Variants in PLCXD3 observed in about 807,000 individuals in gnomAD.
PLCXD3 encodes PI-PLC X domain-containing protein 3.
PLCXD3 carries 19 observed loss-of-function variants against 25.5 expected under a neutral mutation model. The observed-to-expected ratio is 0.75, with a 90% CI of 0.52 to 1.09. The LOEUF (loss-of-function observed/expected upper bound fraction) is 1.09. Ranked by LOEUF, PLCXD3 falls within the 50% of genes least tolerant of loss-of-function variation. PLCXD3 has a pLI of 0.00. For missense variants in PLCXD3, 411 were observed against 388.1 expected, an observed-to-expected ratio of 1.06 and a Z score of -0.50; for synonymous variants, 174 against 137.6, an observed-to-expected ratio of 1.26 and a Z score of -1.85.
At chr5:41,495,800 G>A (rs1580402974) in intron 1 of PLCXD3, among the ~76,000 whole-genome samples, 1 of 152,016 alleles carries the variant, frequency 6.6e-6, no homozygotes, top group Admixed American at 6.6e-5. Flanking sequence ...GATTATGAGA[G>A]GTGGATTTTT....
At chr5:41,416,051 G>A (rs1746684946) in intron 1 of PLCXD3, among the ~76,000 whole-genome samples, 1 of 152,148 alleles carries the variant, frequency 6.6e-6, no homozygotes, top group Non-Finnish European at 1.5e-5. Flanking sequence ...CTTCAGTAAG[G>A]AAACTCAGCC....
intron 2 of PLCXD3, among the ~76,000 whole-genome samples, chr5:41,337,215 G>A (rs1220823200): frequency 6.6e-6 from 1 of 152,072 alleles, no homozygotes; most frequent in Non-Finnish European, 1.5e-5. Context: ...AAGGTGAAAG[G>A]CCACCAGAAC....
chr5:41,457,674 A>T (rs1561279187), intron 1 of PLCXD3, among the ~76,000 whole-genome samples: 1 of 151,926 alleles, frequency 6.6e-6, no homozygotes, highest in South Asian at 2.1e-4. Flanking sequence ...CATATTTCAC[A>T]TAAACCCCTT....
chr5:41,345,633 A>G (rs1249121615), intron 2 of PLCXD3, among the ~76,000 whole-genome samples: 4 of 151,930 alleles, frequency 2.6e-5, no homozygotes, highest in East Asian at 3.9e-4. Flanking sequence ...TAAGTGTCCA[A>G]TTATTTACCA....
At chr5:41,474,049 T>A (rs577089740) in intron 1 of PLCXD3, among the ~76,000 whole-genome samples, 223 of 152,334 alleles carry the variant, frequency 1.5e-3, no homozygotes, top group African/African-American at 5.3e-3. Context: ...CTGTTACTAC[T>A]TGAGACCATC....
intron 1 of PLCXD3, among the ~76,000 whole-genome samples, chr5:41,466,892 CT>C (rs961608005): frequency 1.3e-5 from 2 of 152,068 alleles, no homozygotes; most frequent in Non-Finnish European, 2.9e-5. Context: ...GAAATCTTCT[CT>C]TTTTTAAGGC....
chr5:41,491,017 T>C (rs1303225023), intron 1 of PLCXD3, among the ~76,000 whole-genome samples: 2 of 152,204 alleles, frequency 1.3e-5, no homozygotes, highest in Non-Finnish European at 2.9e-5. Context: ...GTTCTTTTAA[T>C]TGTGATGTTA....
intron 1 of PLCXD3, among the ~76,000 whole-genome samples, chr5:41,413,257 G>T (rs903169190): frequency 6.6e-6 from 1 of 152,098 alleles, no homozygotes; most frequent in Non-Finnish European, 1.5e-5. Flanking sequence ...CATAAATTTT[G>T]TACAACACAA....
intron 1 of PLCXD3, among the ~76,000 whole-genome samples, chr5:41,440,758 G>A (rs957998175): frequency 5.9e-5 from 9 of 151,956 alleles, no homozygotes; most frequent in Admixed American, 5.9e-4. Flanking sequence ...TATACCTCAC[G>A]ATAACCGTGT....
chr5:41,510,186 C>T (rs1394111592), intron 1 of PLCXD3, among the ~76,000 whole-genome samples: 2 of 152,176 alleles, frequency 1.3e-5, no homozygotes, highest in Non-Finnish European at 2.9e-5. Context: ...CAACCTGCTT[C>T]AAAAGCCCAG....
chr5:41,424,309 C>G (rs148342991), intron 1 of PLCXD3, among the ~76,000 whole-genome samples: 2 of 152,008 alleles, frequency 1.3e-5, no homozygotes, highest in African/African-American at 4.8e-5. Context: ...TTTGAGAGGC[C>G]GAGGCGGGCA....
At chr5:41,329,802 T>C (rs57018070) in intron 2 of PLCXD3, among the ~76,000 whole-genome samples, 5,481 of 148,310 alleles carry the variant, frequency 0.037, 342 homozygotes, top group African/African-American at 0.13. Flanking sequence ...GTATTTAATC[T>C]ATTTTATTAT....
chr5:41,446,172 T>C lies in PLCXD3; in HGVS notation c.104-63638A>G, dbSNP rs534756588. ...AGTCTGGGCGACGGAGCCAGACTCCTTCTCAAAAAAAAAAAAAAAAAAAAA... is the reference window on the plus strand; with the variant it reads ...AGTCTGGGCGACGGAGCCAGACTCCCTCTCAAAAAAAAAAAAAAAAAAAAA... On this transcript the variant is annotated intron_variant, in intron 1 of 2. Coordinates refer to ENST00000377801, the MANE Select transcript of PLCXD3 (RefSeq NM_001005473.3). Among the ~76,000 whole-genome samples, 39 of 18,416 alleles carry C rather than the reference T, an allele frequency of 2.1e-3. 1 individual carries two copies. Among genetic ancestry groups the C allele is most frequent in the Admixed American group, 5.6e-3 (5 of 890 alleles). 12.1% of individuals were successfully genotyped at this position (18,416 alleles called of 152,430 possible).
intron 2 of PLCXD3, among the ~76,000 whole-genome samples, chr5:41,365,626 C>T (rs1169778742): frequency 6.6e-6 from 1 of 152,180 alleles, no homozygotes; most frequent in African/African-American, 2.4e-5. Context: ...TGTTTCTATC[C>T]CTGGGTAACC....
chr5:41,493,292 G>A (rs569232435), intron 1 of PLCXD3, among the ~76,000 whole-genome samples: 1 of 152,320 alleles, frequency 6.6e-6, no homozygotes, highest in South Asian at 2.1e-4. Flanking sequence ...TCCTCTGGGA[G>A]TTTTGTCTCA....
rs1404615484 is a variant in PLCXD3, at chr5:41,318,753, A to G, written c.813-4983T>C. On this transcript the variant is annotated intron_variant, in intron 2 of 2. Coordinates refer to ENST00000377801, the MANE Select transcript of PLCXD3 (RefSeq NM_001005473.3). ...AGGAGTAAGTCCTTACTTATCAATA[A>G]CAACATTGAATGTAAATGGACTAAA... is the stretch of plus-strand genomic sequence containing the variant. Among the ~76,000 whole-genome samples the G allele has an allele frequency of 5.9e-5, 9 of 152,182 alleles. No individual in the cohort carries two copies. The East Asian group carries it at 1.5e-3, about 26-fold the overall frequency.
intron 1 of PLCXD3, among the ~76,000 whole-genome samples, chr5:41,389,336 T>G (rs981016604): frequency 2.6e-5 from 4 of 152,166 alleles, no homozygotes; most frequent in Non-Finnish European, 5.9e-5. Flanking sequence ...TCCAAATCCC[T>G]ACTGGGAAGT....
chr5:41,487,334 A>AG (rs1462737290), intron 1 of PLCXD3, among the ~76,000 whole-genome samples: 1 of 152,168 alleles, frequency 6.6e-6, no homozygotes, highest in Non-Finnish European at 1.5e-5. Flanking sequence ...GAAAAAAAGG[A>AG]GCTCACTTGA....
intron 1 of PLCXD3, among the ~76,000 whole-genome samples, chr5:41,460,736 T>A (rs577074269): frequency 6.6e-6 from 1 of 152,176 alleles, no homozygotes; most frequent in South Asian, 2.1e-4. Flanking sequence ...AAATCTTTGA[T>A]ACTTAGATTT....
Sources: gnomAD v4.1 joint callset for allele counts (sites outside exome capture counted in the v4.1 genomes callset) on GRCh38, gnomAD v4.1.1 for gene constraint, MANE v1.5 for transcripts, NCBI Gene and HGNC (gene_info 2026-07-23, HGNC 2026-07-21) for gene names.